The following SMOC2 variants were observed in gnomAD, a reference collection of about 807,000 sequenced individuals.
SMOC2 encodes the protein SPARC-related modular calcium-binding protein 2.
Under a neutral mutation model 61.4 loss-of-function variants are expected in SMOC2, and 39 were observed. The ratio of observed to expected loss-of-function variants is 0.64; its 90% confidence interval spans 0.49 to 0.83. SMOC2 has a LOEUF of 0.83. Among genes scored for constraint, SMOC2 ranks in the 40% least tolerant of loss-of-function variants. The probability of loss-of-function intolerance (pLI) is 0.00; values close to 1 mark genes in which losing one functional copy is unlikely to be tolerated. For synonymous variants in SMOC2, 247 were observed against 239.9 expected (o/e 1.03, Z -0.27); for missense variants, 556 against 592.9 (o/e 0.94, Z 0.65).
At chr6:168,562,873 A>G (rs1416732940) in intron 7 of SMOC2, among the ~76,000 whole-genome samples, 3 of 152,172 alleles carry the variant, frequency 2.0e-5, no homozygotes, top group African/African-American at 7.2e-5. Flanking sequence ...TGACAGTTTC[A>G]GGAGGGGGTA....
At chr6:168,534,685 G>C (rs1035203891) in intron 4 of SMOC2, among the ~76,000 whole-genome samples, 5 of 152,176 alleles carry the variant, frequency 3.3e-5, no homozygotes, top group Non-Finnish European at 7.4e-5. Context: ...GTACTTTCTG[G>C]TGTCTAATGC....
chr6:168,557,019 G>A (rs1784268517), intron 7 of SMOC2, among the ~76,000 whole-genome samples: 1 of 151,650 alleles, frequency 6.6e-6, no homozygotes, highest in Non-Finnish European at 1.5e-5. Context: ...CTTTATTTAG[G>A]GATGATAATT....
At chr6:168,451,960 C>T (rs971381224) in intron 1 of SMOC2, among the ~76,000 whole-genome samples, 2 of 152,210 alleles carry the variant, frequency 1.3e-5, no homozygotes, top group Non-Finnish European at 2.9e-5. Context: ...AAGCCCCTGT[C>T]CTTTTTTGGA....
intron 11 of SMOC2, among the ~76,000 whole-genome samples, chr6:168,660,323 A>G (rs545273559): frequency 6.6e-6 from 1 of 152,162 alleles, no homozygotes; most frequent in Non-Finnish European, 1.5e-5. Context: ...CCTGATTTCA[A>G]AAGGTTGTCA....
chr6:168,499,153 C>T (rs112003493), intron 1 of SMOC2, among the ~76,000 whole-genome samples: 23 of 141,434 alleles, frequency 1.6e-4, no homozygotes, highest in South Asian at 7.0e-4. Flanking sequence ...CATAGCCTGT[C>T]TACTACACAT....
intron 7 of SMOC2, among the ~76,000 whole-genome samples, chr6:168,592,641 T>C: frequency 7.1e-6 from 1 of 140,580 alleles, no homozygotes. Flanking sequence ...GGCATCTTTC[T>C]AGAGGATCGC....
intron 1 of SMOC2, among the ~76,000 whole-genome samples, chr6:168,487,709 G>C (rs1782367421): frequency 6.6e-6 from 1 of 151,988 alleles, no homozygotes; most frequent in Non-Finnish European, 1.5e-5. Context: ...CACCATGTTG[G>C]CCAGGGTGGT....
intron 12 of SMOC2, among the ~76,000 whole-genome samples, chr6:168,665,727 T>C (rs1190865572): frequency 6.6e-6 from 1 of 152,266 alleles, no homozygotes; most frequent in Non-Finnish European, 1.5e-5. Context: ...ACCTCAAGTT[T>C]AGTGTAGGAG....
chr6:168,660,601 G>A (rs1787483366), intron 11 of SMOC2, among the ~76,000 whole-genome samples: 1 of 152,228 alleles, frequency 6.6e-6, no homozygotes, highest in Non-Finnish European at 1.5e-5. Flanking sequence ...GCTGTGGGTT[G>A]CCACCATGCC....
At chr6:168,608,513 A>T (rs1562378886) in intron 9 of SMOC2, among the ~76,000 whole-genome samples, 1 of 152,206 alleles carries the variant, frequency 6.6e-6, no homozygotes, top group Admixed American at 6.5e-5. Context: ...AAATCAGATC[A>T]GCACACAGCA....
chr6:168,543,329 TATG>T (rs1377863343), intron 4 of SMOC2, among the ~76,000 whole-genome samples: 1 of 152,256 alleles, frequency 6.6e-6, no homozygotes, highest in Non-Finnish European at 1.5e-5. Context: ...ATGTTATGGC[TATG>T]ATGACATTTT....
At chr6:168,602,203 A>G (rs568825729) in intron 8 of SMOC2, among the ~76,000 whole-genome samples, 2 of 152,236 alleles carry the variant, frequency 1.3e-5, no homozygotes, top group East Asian at 3.9e-4. Flanking sequence ...GCCAACAGAA[A>G]GCCCTCAAAC....
intron 12 of SMOC2, among the ~76,000 whole-genome samples, chr6:168,666,119 C>A (rs1464215073): frequency 6.6e-6 from 1 of 152,102 alleles, no homozygotes; most frequent in Admixed American, 6.5e-5. Context: ...TTTGTATAAT[C>A]AAGGTGATAA....
intron 2 of SMOC2, among the ~76,000 whole-genome samples, chr6:168,521,534 C>T (rs903514947): frequency 6.6e-6 from 1 of 152,020 alleles, no homozygotes; most frequent in Admixed American, 6.6e-5. Flanking sequence ...GAAATATCAT[C>T]CAACAGGTAG....
In SMOC2 at chr6:168,471,085, C is replaced by G. The variant is rs1781957843; in HGVS notation, c.84+29631C>G. ...GAAGTAAAATACACACACAGTTTATCATCTTAACCATTTTTAAAAATCGTA... is the reference window on the plus strand; with the variant it reads ...GAAGTAAAATACACACACAGTTTATGATCTTAACCATTTTTAAAAATCGTA... On this transcript the variant is annotated intron_variant, in intron 1 of 12. Coordinates refer to ENST00000356284, the MANE Select transcript of SMOC2 (RefSeq NM_001166412.2). Among the ~76,000 whole-genome samples, 3 of 152,304 alleles carry G rather than the reference C, an allele frequency of 2.0e-5. No individual in the cohort carries two copies. In the South Asian group the frequency reaches 6.2e-4, roughly 32 times the overall value.
chr6:168,667,011 A>G lies in SMOC2; in HGVS notation c.*573A>G, dbSNP rs1787678026. The stretch of plus-strand genomic sequence containing the variant: ...TAAAGCTATCCAGTTAAGTGCAGGT[A>G]GTTCCCCTGGAGGAAATAATATTTT... On this transcript the variant is annotated 3_prime_UTR_variant, in exon 13 of 13. Coordinates refer to ENST00000356284, the MANE Select transcript of SMOC2 (RefSeq NM_001166412.2). The G allele has an allele frequency of 6.6e-6, 1 of 152,444 alleles. No individual in the cohort carries two copies. Among genetic ancestry groups the G allele is most frequent in the South Asian group, 2.1e-4 (1 of 4,838 alleles). 9.4% of individuals were successfully genotyped at this position (152,444 alleles called of 1,614,324 possible). A position where few individuals can be genotyped will look rare whatever the true frequency, so the allele number is the denominator to read the frequency against.
chr6:168,650,826 A>G (rs770941622), intron 10 of SMOC2, 43 bp downstream of exon 10: 1 of 1,556,222 alleles, frequency 6.4e-7, no homozygotes, highest in Non-Finnish European at 8.7e-7. Context: ...GCAGGGTCCC[A>G]GAATTCTGGG....
intron 4 of SMOC2, among the ~76,000 whole-genome samples, chr6:168,528,853 A>G (rs1359373015): frequency 1.3e-5 from 2 of 152,264 alleles, no homozygotes; most frequent in African/African-American, 2.4e-5. Context: ...CATGGAGGAA[A>G]TGAAACAGAA....
At chr6:168,546,252 A>G (rs890915587) in intron 5 of SMOC2, among the ~76,000 whole-genome samples, 1 of 13,408 alleles carries the variant, frequency 7.5e-5, no homozygotes. Flanking sequence ...AGCTTCAGTG[A>G]AAAAAAAAAA....
Sources: gnomAD v4.1 joint callset for allele counts (sites outside exome capture counted in the v4.1 genomes callset) on GRCh38, gnomAD v4.1.1 for gene constraint, MANE v1.5 for transcripts, NCBI Gene and HGNC (gene_info 2026-07-23, HGNC 2026-07-21) for gene names.